The following PAX7 variants were observed in gnomAD, a reference collection of about 807,000 sequenced individuals.
PAX7 encodes the protein paired box 7.
Under a neutral mutation model 50.7 loss-of-function variants are expected in PAX7, and 18 were observed. The ratio of observed to expected loss-of-function variants is 0.36; its 90% CI spans 0.25 to 0.53. PAX7 has a LOEUF of 0.53. Ranked by LOEUF, PAX7 falls within the 20% of genes least tolerant of loss-of-function variation. PAX7 has a pLI of 0.93. For synonymous variants in PAX7, 310 were observed against 290.4 expected, an observed-to-expected ratio of 1.07 and a Z score of -0.69; for missense variants, 644 against 702.9, an observed-to-expected ratio of 0.92 and a Z score of 0.95.
chr1:18,655,590 C>T (rs916527071), intron 4 of PAX7, among the ~76,000 whole-genome samples: 22 of 152,200 alleles, frequency 1.4e-4, no homozygotes, highest in Non-Finnish European at 2.2e-4. Flanking sequence ...GGGCTGCAGT[C>T]GGCGGGAGGG....
At chr1:18,714,227 A>G (rs2100352079) in intron 7 of PAX7, among the ~76,000 whole-genome samples, 2 of 151,912 alleles carry the variant, frequency 1.3e-5, no homozygotes, top group South Asian at 4.2e-4. Context: ...ATAAATAAAT[A>G]AATAAATAAA....
chr1:18,703,800 G>A (rs979071710), intron 7 of PAX7, among the ~76,000 whole-genome samples: 18 of 152,146 alleles, frequency 1.2e-4, no homozygotes, highest in Non-Finnish European at 1.8e-4. Flanking sequence ...TATCCGTGGG[G>A]GAAGGGATGA....
At chr1:18,645,391 G>T (rs2088322721) in intron 4 of PAX7, among the ~76,000 whole-genome samples, 2 of 152,242 alleles carry the variant, frequency 1.3e-5, no homozygotes, top group Admixed American at 1.3e-4. Context: ...GACAGAAAAA[G>T]GGGTGGGGCG....
chr1:18,639,826 A>G (rs941341668), intron 4 of PAX7, among the ~76,000 whole-genome samples: 2 of 152,224 alleles, frequency 1.3e-5, no homozygotes, highest in Non-Finnish European at 2.9e-5. Flanking sequence ...CTGACAGTGC[A>G]CCAGTTTAAG....
chr1:18,694,730 A>T (rs908560448), intron 5 of PAX7, among the ~76,000 whole-genome samples: 4 of 152,074 alleles, frequency 2.6e-5, no homozygotes, highest in Admixed American at 1.3e-4. Context: ...TCCTTTCCTG[A>T]GACTTCGTTT....
At chr1:18,648,340 CTTTT>C (rs531869233) in intron 4 of PAX7, among the ~76,000 whole-genome samples, 2 of 119,704 alleles carry the variant, frequency 1.7e-5, no homozygotes, top group Non-Finnish European at 3.4e-5. Context: ...TTATTTTTGT[CTTTT>C]TTTTTTTTTT....
intron 4 of PAX7, among the ~76,000 whole-genome samples, chr1:18,637,253 C>T (rs1432227824): frequency 6.6e-6 from 1 of 152,160 alleles, no homozygotes; most frequent in Non-Finnish European, 1.5e-5. Flanking sequence ...AAAGTTTTTC[C>T]TCATTACCCC....
intron 8 of PAX7, among the ~76,000 whole-genome samples, chr1:18,738,392 C>T (rs1453511145): frequency 6.6e-6 from 1 of 152,146 alleles, no homozygotes; most frequent in Non-Finnish European, 1.5e-5. Context: ...TCCAGGGGCG[C>T]CTGCTCAATT....
At chr1:18,694,488 A>AT (rs2089124651) in intron 5 of PAX7, among the ~76,000 whole-genome samples, 1 of 149,110 alleles carries the variant, frequency 6.7e-6, no homozygotes, top group Non-Finnish European at 1.5e-5. Flanking sequence ...AAATAAATAA[A>AT]TAAATAAATA....
chr1:18,669,032 T>C (rs1232018759), intron 4 of PAX7, among the ~76,000 whole-genome samples: 1 of 152,210 alleles, frequency 6.6e-6, no homozygotes, highest in Non-Finnish European at 1.5e-5. Context: ...TCCTGCAACA[T>C]GTCAGGGCCC....
chr1:18,702,177 CA>C (rs3833994), intron 6 of PAX7, among the ~76,000 whole-genome samples: 84 of 146,406 alleles, frequency 5.7e-4, no homozygotes, highest in South Asian at 1.8e-3. Flanking sequence ...ACTAAAAATA[CA>C]AAAAAAAAAA....
chr1:18,718,936 A>G (rs1394692408), intron 7 of PAX7, among the ~76,000 whole-genome samples: 1 of 152,112 alleles, frequency 6.6e-6, no homozygotes, highest in African/African-American at 2.4e-5. Context: ...CACGGCACCC[A>G]GCCGACCCTT....
intron 4 of PAX7, among the ~76,000 whole-genome samples, chr1:18,663,403 G>A (rs2088626396): frequency 6.6e-6 from 1 of 152,186 alleles, no homozygotes. Flanking sequence ...TTGTTTTTGA[G>A]ACAGAGTCTT....
At chr1:18,723,237 T>G (rs538838571) in intron 7 of PAX7, among the ~76,000 whole-genome samples, 169 of 152,230 alleles carry the variant, frequency 1.1e-3, no homozygotes, top group Middle Eastern at 3.4e-3. Flanking sequence ...TTGAGTATGT[T>G]CCCCCCGAGG....
Position 18,744,899 on chromosome 1 carries a change from C to A in PAX7, c.1488C>A (p.Leu496=), listed in dbSNP as rs575465655. The A allele has an allele frequency of 5.8e-6, 9 of 1,554,386 alleles. No homozygotes were observed. The East Asian group carries it at 2.2e-4, about 38-fold the overall frequency. ...KLGEHSAVLG[L]LPVETGQAY is the part of the protein sequence containing the mutation. ...GGGAGCACTCTGCTGTGCTGGGACT[C>A]CTGCCTGTGGAAACTGGCCAGGCCT... The change falls in exon 9 of 9, where the codon CTC becomes CTA. Residue 496 remains leucine, a synonymous_variant. Coordinates refer to ENST00000420770, the MANE Select transcript of PAX7 (RefSeq NM_001135254.2).
At chr1:18,647,041 G>A (rs1053890247) in intron 4 of PAX7, among the ~76,000 whole-genome samples, 3 of 148,644 alleles carry the variant, frequency 2.0e-5, no homozygotes, top group Non-Finnish European at 3.0e-5. Context: ...GGGCTGGAGG[G>A]GGAGGGGCGA....
intron 7 of PAX7, among the ~76,000 whole-genome samples, chr1:18,704,267 C>T (rs1570198048): frequency 6.6e-6 from 1 of 152,326 alleles, no homozygotes; most frequent in Non-Finnish European, 1.5e-5. Flanking sequence ...GGAATACAGC[C>T]ATGTCCATTT....
intron 7 of PAX7, among the ~76,000 whole-genome samples, chr1:18,705,264 C>A (rs752820363): frequency 5.9e-5 from 9 of 152,212 alleles, no homozygotes; most frequent in Non-Finnish European, 1.2e-4. Context: ...CTCACTAGTG[C>A]TAACCTTCCA....
At chr1:18,692,684 C>T (rs1473747835) in intron 5 of PAX7, among the ~76,000 whole-genome samples, 1 of 152,242 alleles carries the variant, frequency 6.6e-6, no homozygotes, top group Non-Finnish European at 1.5e-5. Flanking sequence ...GCCTAGCTTC[C>T]TCAGATGGAT....
Sources: gnomAD v4.1 joint callset for allele counts (sites outside exome capture counted in the v4.1 genomes callset) on GRCh38, gnomAD v4.1.1 for gene constraint, MANE v1.5 for transcripts, NCBI Gene and HGNC (gene_info 2026-07-23, HGNC 2026-07-21) for gene names.